Variants in KCNQ5 observed in about 807,000 individuals in gnomAD.
The protein encoded by KCNQ5 is potassium voltage-gated channel subfamily Q member 5.
A neutral mutation model predicts 98.2 loss-of-function variants in KCNQ5; 30 were observed. The ratio of observed to expected loss-of-function variants is 0.31; its 90% CI spans 0.23 to 0.41. The LOEUF (loss-of-function observed/expected upper bound fraction) is 0.41, where lower values mean the gene tolerates loss of function less well. Among genes scored for constraint, KCNQ5 ranks in the 10% least tolerant of loss-of-function variants. The pLI, the probability that KCNQ5 is intolerant of heterozygous loss-of-function variation, is 1.00. For missense variants in KCNQ5, 835 were observed against 1,182.5 expected (o/e 0.71, Z 4.31); for synonymous variants, 458 against 449.4 (o/e 1.02, Z -0.24).
At chr6:72,634,583 A>G (rs1582015226) in intron 1 of KCNQ5, among the ~76,000 whole-genome samples, 1 of 152,196 alleles carries the variant, frequency 6.6e-6, no homozygotes. Flanking sequence ...TGTTTGTTTT[A>G]GAGACAGAGA....
intron 1 of KCNQ5, among the ~76,000 whole-genome samples, chr6:72,925,352 G>T (rs2150222633): frequency 6.6e-6 from 1 of 152,300 alleles, no homozygotes; most frequent in East Asian, 1.9e-4. Context: ...AGTCAAAACA[G>T]CTGCCAGGCA....
chr6:72,959,944 T>C (rs1427832536), intron 1 of KCNQ5, among the ~76,000 whole-genome samples: 3 of 152,158 alleles, frequency 2.0e-5, no homozygotes. Context: ...AACAAATAAA[T>C]GTAGAGAGAT....
intron 1 of KCNQ5, among the ~76,000 whole-genome samples, chr6:72,840,061 G>A (rs1935508): frequency 0.15 from 23,415 of 152,048 alleles, 2,423 homozygotes; most frequent in African/African-American, 0.29. Flanking sequence ...TTATGAGTTT[G>A]ACTGTTTAAC....
At chr6:72,724,784 T>A (rs1006346896) in intron 1 of KCNQ5, among the ~76,000 whole-genome samples, 1 of 152,206 alleles carries the variant, frequency 6.6e-6, no homozygotes, top group African/African-American at 2.4e-5. Flanking sequence ...GTGGTTTTAC[T>A]CATGAATAAG....
chr6:72,973,739 C>T (rs188554859), intron 1 of KCNQ5, among the ~76,000 whole-genome samples: 111 of 152,108 alleles, frequency 7.3e-4, no homozygotes, highest in African/African-American at 2.6e-3. Flanking sequence ...ATACAAATGA[C>T]AAAAAGGGAA....
intron 12 of KCNQ5, among the ~76,000 whole-genome samples, chr6:73,191,800 GAAGT>G (rs1765600003): frequency 1.3e-5 from 2 of 152,224 alleles, no homozygotes; most frequent in African/African-American, 4.8e-5. Flanking sequence ...GTCATGGCAG[GAAGT>G]GAGTACTGCC....
At chr6:72,751,220 C>T (rs1031060476) in intron 1 of KCNQ5, among the ~76,000 whole-genome samples, 2 of 150,478 alleles carry the variant, frequency 1.3e-5, no homozygotes, top group East Asian at 3.9e-4. Flanking sequence ...AAGGCAATTT[C>T]AGGAAAAGGG....
At chr6:72,757,681 C>A (rs1183820835) in intron 1 of KCNQ5, among the ~76,000 whole-genome samples, 1 of 151,984 alleles carries the variant, frequency 6.6e-6, no homozygotes, top group Non-Finnish European at 1.5e-5. Flanking sequence ...GTCATAAAGT[C>A]AAAAAATCAT....
chr6:72,864,452 G>A (rs1424467638), intron 1 of KCNQ5, among the ~76,000 whole-genome samples: 1 of 152,070 alleles, frequency 6.6e-6, no homozygotes, highest in Non-Finnish European at 1.5e-5. Flanking sequence ...GAAAATCTGG[G>A]TCAGTACATG....
At chr6:72,626,513 G>A (rs10943043) in intron 1 of KCNQ5, among the ~76,000 whole-genome samples, 25,909 of 152,206 alleles carry the variant, frequency 0.17, 2,558 homozygotes, top group Middle Eastern at 0.25. Flanking sequence ...ATAGAATCTT[G>A]TATTTATCCT....
At chr6:72,903,834 T>C (rs1426176775) in intron 1 of KCNQ5, among the ~76,000 whole-genome samples, 1 of 152,224 alleles carries the variant, frequency 6.6e-6, no homozygotes. Context: ...TCTGTATATA[T>C]CTGTTAAGTC....
At chr6:72,785,066 C>T (rs541276690) in intron 1 of KCNQ5, among the ~76,000 whole-genome samples, 3 of 152,276 alleles carry the variant, frequency 2.0e-5, no homozygotes, top group East Asian at 3.9e-4. Flanking sequence ...CAACCAAAAG[C>T]GATTGACCAA....
chr6:72,808,916 A>G (rs558463752), intron 1 of KCNQ5, among the ~76,000 whole-genome samples: 3 of 152,094 alleles, frequency 2.0e-5, no homozygotes, highest in African/African-American at 7.2e-5. Flanking sequence ...ATTATAAATC[A>G]TGCTGCTATA....
intron 1 of KCNQ5, among the ~76,000 whole-genome samples, chr6:72,787,731 C>T (rs551138687): frequency 6.6e-6 from 1 of 152,334 alleles, no homozygotes; most frequent in South Asian, 2.1e-4. Context: ...TCTGAGTCAG[C>T]ACTCATCCCT....
intron 1 of KCNQ5, among the ~76,000 whole-genome samples, chr6:72,654,125 A>G (rs1013773460): frequency 9.9e-5 from 15 of 152,052 alleles, no homozygotes; most frequent in Non-Finnish European, 2.1e-4. Flanking sequence ...GATAGGGGAA[A>G]ACAGAAGGGA....
chr6:73,035,651 G>C lies in KCNQ5; in HGVS notation c.490-6285G>C, dbSNP rs78036145. Among the ~76,000 whole-genome samples, 810 of 152,198 alleles carry C rather than the reference G, an allele frequency of 5.3e-3. 11 individuals are homozygous for C. The highest frequency in any genetic ancestry group is 0.019 in the African/African-American group (772 of 41,522). ...AACTCATATGAAAATAAAACAATGA[G>C]ACCTCATCCAAAGGGTGATTTAGAG... On this transcript the variant is annotated intron_variant, in intron 2 of 13. Transcript: ENST00000370398.
At chr6:73,024,147 C>T (rs1467133121) in intron 2 of KCNQ5, among the ~76,000 whole-genome samples, 1 of 152,126 alleles carries the variant, frequency 6.6e-6, no homozygotes, top group Non-Finnish European at 1.5e-5. Context: ...CTATTATGAA[C>T]TGTAAGCAGT....
intron 1 of KCNQ5, among the ~76,000 whole-genome samples, chr6:72,988,614 C>A (rs945997671): frequency 7.5e-5 from 11 of 146,800 alleles, no homozygotes; most frequent in Admixed American, 6.8e-4. Flanking sequence ...CCCCCTCTAT[C>A]TAAAATAAAA....
intron 2 of KCNQ5, among the ~76,000 whole-genome samples, chr6:73,006,855 A>G (rs1582178749): frequency 6.6e-6 from 1 of 152,060 alleles, no homozygotes. Flanking sequence ...ATATGTTCAG[A>G]TATTTCCTAC....
Sources: allele counts gnomAD v4.1 joint callset (sites outside exome capture counted in the v4.1 genomes callset), GRCh38; gene constraint gnomAD v4.1.1; transcripts MANE v1.5; gene names NCBI Gene and HGNC (gene_info 2026-07-23, HGNC 2026-07-21).